DLC1: variants seen among roughly 807,000 people sequenced by gnomAD.
DLC1 encodes the protein rho GTPase-activating protein 7.
In DLC1, 54 loss-of-function variants were observed where a neutral mutation model predicts 140.3. That is an observed-to-expected ratio of 0.38 (90% CI 0.31 to 0.48). The LOEUF (loss-of-function observed/expected upper bound fraction) is 0.48. DLC1 is among the 20% of genes least tolerant of loss of function. The pLI, the probability that DLC1 is intolerant of heterozygous loss-of-function variation, is 0.96. For synonymous variants in DLC1, 986 were observed against 728.1 expected, an observed-to-expected ratio of 1.35 and a Z score of -5.70; for missense variants, 2,536 against 1,907.0, an observed-to-expected ratio of 1.33 and a Z score of -6.14.
At chr8:13,504,377 G>A (rs1156921288) in intron 1 of DLC1, among the ~76,000 whole-genome samples, 1 of 152,084 alleles carries the variant, frequency 6.6e-6, no homozygotes, top group Admixed American at 6.6e-5. Context: ...CGCCTGCCTC[G>A]GCCTCCCAAA....
chr8:13,550,560 G>A (rs371308504), intron 1 of DLC1, among the ~76,000 whole-genome samples: 20 of 152,110 alleles, frequency 1.3e-4, no homozygotes, highest in African/African-American at 4.1e-4. Flanking sequence ...AAATATATAC[G>A]GAGGCATATG....
chr8:13,318,794 T>G (rs1197122365), intron 4 of DLC1, among the ~76,000 whole-genome samples: 3 of 152,224 alleles, frequency 2.0e-5, no homozygotes, highest in Non-Finnish European at 4.4e-5. Context: ...TGTCAGTCCT[T>G]GGCCGGCTGA....
In DLC1 at chr8:13,310,421, T is replaced by A. The variant is rs542254680; in HGVS notation, c.1315-5119A>T. ...CAAAAATTTGTTCCACAAAAAAAAA[T>A]TGCAGATAAATTCCAAAATAAGTAA... On this transcript the variant is annotated intron_variant, in intron 4 of 17. Coordinates refer to ENST00000276297, the MANE Select transcript of DLC1 (RefSeq NM_182643.3). Among the ~76,000 whole-genome samples, 51 of 152,236 alleles carry A rather than the reference T, an allele frequency of 3.4e-4. 2 individuals carry two copies. The South Asian group carries it at 4.4e-3, about 13-fold the overall frequency.
chr8:13,452,686 T>C (rs1209483293), intron 2 of DLC1, among the ~76,000 whole-genome samples: 1 of 152,192 alleles, frequency 6.6e-6, no homozygotes, highest in African/African-American at 2.4e-5. Flanking sequence ...AGCAAAAATA[T>C]TAACCAAAAC....
At chr8:13,178,813 A>T (rs868373514) in intron 5 of DLC1, among the ~76,000 whole-genome samples, 2 of 152,172 alleles carry the variant, frequency 1.3e-5, no homozygotes, top group South Asian at 4.1e-4. Flanking sequence ...TGTGGAGCAA[A>T]CGAAACTCTT....
chr8:13,275,538 T>C (rs1029586681), intron 5 of DLC1, among the ~76,000 whole-genome samples: 1 of 149,752 alleles, frequency 6.7e-6, no homozygotes, highest in African/African-American at 2.5e-5. Flanking sequence ...ATTCGGAGAG[T>C]TTTTTCATAT....
At chr8:13,223,986 C>T (rs1311908315) in intron 5 of DLC1, among the ~76,000 whole-genome samples, 4 of 152,132 alleles carry the variant, frequency 2.6e-5, no homozygotes, top group Non-Finnish European at 5.9e-5. Flanking sequence ...GAAGCTATTT[C>T]TTTTTGCAAC....
chr8:13,528,514 G>T (rs1413335218), intron 1 of DLC1, among the ~76,000 whole-genome samples: 2 of 152,096 alleles, frequency 1.3e-5, no homozygotes, highest in Non-Finnish European at 2.9e-5. Flanking sequence ...CCTTATGCTG[G>T]AAGGTTGAAT....
intron 2 of DLC1, among the ~76,000 whole-genome samples, chr8:13,436,848 ATTTCAGGTC>A (rs1839142099): frequency 6.6e-6 from 1 of 152,186 alleles, no homozygotes. Flanking sequence ...GTGCTCACAC[ATTTCAGGTC>A]TTAAATATGA....
rs1349397084 is a variant in DLC1 at position 13,364,300 on chromosome 8, C to G, written c.1314+29253G>C. 2.1e-5 allele frequency among the ~76,000 whole-genome samples: 3 copies of G among 141,858 alleles called. No individual in the cohort carries two copies. The East Asian group carries it at 6.2e-4, about 30-fold the overall frequency. The allele number at this position is 141,858 out of a possible 152,430, so 93.1% of individuals were successfully genotyped here. A position where few individuals can be genotyped will look rare whatever the true frequency, so the allele number is the denominator to read the frequency against. On this transcript the variant is annotated intron_variant, in intron 4 of 17. Transcript: ENST00000276297. Reference sequence around the variant, plus strand: ...GTTTCCAGTTCTCTGGGTAATGAAACTTTTTTTTTTTTTTTTTAGATGGAA... The same window carrying G: ...GTTTCCAGTTCTCTGGGTAATGAAAGTTTTTTTTTTTTTTTTTAGATGGAA...
intron 1 of DLC1, among the ~76,000 whole-genome samples, chr8:13,506,581 G>GTGTATATATATA (rs1246764417): frequency 1.5e-5 from 2 of 131,142 alleles, no homozygotes; most frequent in African/African-American, 6.4e-5. Context: ...GTGTGTGTGT[G>GTGTATATATATA]TATATATATA....
chr8:13,554,823 A>G (rs1187776040), intron 1 of DLC1, among the ~76,000 whole-genome samples: 2 of 152,206 alleles, frequency 1.3e-5, no homozygotes, highest in African/African-American at 2.4e-5. Flanking sequence ...GATATCTGTT[A>G]AGATGTCTGC....
At chr8:13,460,763 G>A (rs928022645) in intron 2 of DLC1, among the ~76,000 whole-genome samples, 8 of 152,236 alleles carry the variant, frequency 5.3e-5, no homozygotes, top group African/African-American at 9.6e-5. Flanking sequence ...TGGGGCTTAC[G>A]TCTGATATTA....
chr8:13,249,931 T>G (rs1829931471), intron 5 of DLC1, among the ~76,000 whole-genome samples: 2 of 152,190 alleles, frequency 1.3e-5, no homozygotes, highest in Admixed American at 6.5e-5. Flanking sequence ...CCACTCTTCC[T>G]GAATTGTTTT....
chr8:13,151,352 A>G (rs118155342), intron 5 of DLC1, among the ~76,000 whole-genome samples: 2,578 of 152,238 alleles, frequency 0.017, 34 homozygotes, highest in Middle Eastern at 0.031. Context: ...TCCCCACAAC[A>G]ATCTTATGAT....
At chr8:13,373,422 G>A (rs899128057) in intron 4 of DLC1, among the ~76,000 whole-genome samples, 4 of 152,132 alleles carry the variant, frequency 2.6e-5, no homozygotes, top group African/African-American at 7.2e-5. Flanking sequence ...ACAGGACAAA[G>A]TTGTCCTTTC....
At chr8:13,387,368 C>A (rs554817057) in intron 4 of DLC1, among the ~76,000 whole-genome samples, 2 of 152,000 alleles carry the variant, frequency 1.3e-5, no homozygotes, top group East Asian at 1.9e-4. Context: ...ATCTGATAAC[C>A]ATTTAAGCAA....
chr8:13,338,025 GA>G (rs1833879948), intron 4 of DLC1, among the ~76,000 whole-genome samples: 1 of 152,150 alleles, frequency 6.6e-6, no homozygotes, highest in East Asian at 1.9e-4. Flanking sequence ...AGTATAGCTA[GA>G]GGAACTTAAT....
chr8:13,282,314 GA>G (rs1831391149), intron 5 of DLC1, among the ~76,000 whole-genome samples: 1 of 152,130 alleles, frequency 6.6e-6, no homozygotes, highest in Non-Finnish European at 1.5e-5. Context: ...TTTTTGAGGT[GA>G]AAATATTTAG....
Sources: allele counts gnomAD v4.1 joint callset (sites outside exome capture counted in the v4.1 genomes callset), GRCh38; gene constraint gnomAD v4.1.1; transcripts MANE v1.5; gene names NCBI Gene and HGNC (gene_info 2026-07-23, HGNC 2026-07-21).